The following ALMS1 variants were observed in gnomAD, a reference collection of about 807,000 sequenced individuals.
The protein encoded by ALMS1 is ALMS1 centrosome and basal body associated protein.
In ALMS1, 271 loss-of-function variants were observed where a neutral mutation model predicts 352.2. That is an observed-to-expected ratio of 0.77 (90% confidence interval 0.70 to 0.85). ALMS1 has a LOEUF of 0.85. ALMS1 is among the 40% of genes least tolerant of loss of function. ALMS1 has a pLI of 0.00. For synonymous variants in ALMS1, 1,865 were observed against 1,761.2 expected (o/e 1.06, Z -1.48); for missense variants, 5,445 against 4,870.7 (o/e 1.12, Z -3.51).
Position 73,428,172 on chromosome 2 carries a change from G to C in ALMS1, c.1338+1619G>C, listed in dbSNP as rs1049569348. 3.3e-5 allele frequency among the ~76,000 whole-genome samples: 5 copies of C among 152,218 alleles called. No homozygotes were observed. In the South Asian group the frequency reaches 8.3e-4, roughly 25 times the overall value. Reference sequence around the variant, plus strand: ...TTTGTGCTCAAGTACTGTGCTAAGAGGTTACATGTATATATCAATTCGTTT... The same window carrying C: ...TTTGTGCTCAAGTACTGTGCTAAGACGTTACATGTATATATCAATTCGTTT... On this transcript the variant is annotated intron_variant, in intron 6 of 22. Transcript: ENST00000613296.
intron 13 of ALMS1, 60 bp from the exon 14 acceptor site, chr2:73,557,160 A>G (rs1166438178): frequency 6.2e-7 from 1 of 1,607,358 alleles, no homozygotes; most frequent in Non-Finnish European, 8.5e-7. Context: ...GGGGAGGATT[A>G]CTTGTCTGTT....
intron 15 of ALMS1, among the ~76,000 whole-genome samples, chr2:73,571,253 T>C (rs1467596279): frequency 6.6e-6 from 1 of 152,226 alleles, no homozygotes; most frequent in East Asian, 1.9e-4. Context: ...GATCCCATCA[T>C]TGCATGTGTG....
chr2:73,392,967 G>C (rs567452529), intron 1 of ALMS1, among the ~76,000 whole-genome samples: 1 of 152,212 alleles, frequency 6.6e-6, no homozygotes, highest in South Asian at 2.1e-4. Flanking sequence ...GAGAGTTCCA[G>C]TTTCTCCACA....
Position 73,385,872 on chromosome 2 carries a change from G to C in ALMS1, c.4G>C (p.Glu2Gln), listed in dbSNP as rs1670504473. The C allele has an allele frequency of 1.3e-6, 1 of 761,672 alleles. No individual in the cohort carries two copies. The highest frequency in any genetic ancestry group is 2.3e-6 in the Non-Finnish European group (1 of 436,992). 47.2% of individuals were successfully genotyped at this position (761,672 alleles called of 1,614,324 possible). The change falls in exon 1 of 23, where the codon GAG (glutamate) becomes CAG (glutamine). Residue 2 changes from glutamate to glutamine, a missense_variant. Physicochemically the swap from Glu to Gln is conservative, Grantham distance 29. Transcript: ENST00000613296. ...CCGCCCAGAGCGAGACACCAACATGGAGCCCGAGGATCTGCCATGGCCGGG... is the reference window on the plus strand; with the variant it reads ...CCGCCCAGAGCGAGACACCAACATGCAGCCCGAGGATCTGCCATGGCCGGG... MEPEDLPWPGEL... is the reference protein window; with the variant it reads MQPEDLPWPGEL...
rs531648685 is a variant in ALMS1 at position 73,449,630 on chromosome 2, C to T, written c.3103C>T (p.Pro1035Ser). The change falls in exon 8 of 23, where the codon CCA (proline) becomes TCA (serine). Residue 1035 changes from proline to serine, a missense_variant. Pro to Ser is a moderately conservative substitution (Grantham distance 74). Transcript: ENST00000613296. Reference protein sequence around the residue: ...KALKVSTGPGPADQKTEIPAV... With the variant: ...KALKVSTGPGSADQKTEIPAV... The stretch of plus-strand genomic sequence containing the variant: ...TCTGAAAGTTTCAACTGGCCCTGGA[C>T]CAGCTGACCAGAAGACTGAGATACC... 197 of 1,614,064 alleles carry T rather than the reference C, an allele frequency of 1.2e-4. No homozygotes were observed. The highest frequency in any genetic ancestry group is 2.3e-4 in the Admixed American group (14 of 60,012).
intron 10 of ALMS1, among the ~76,000 whole-genome samples, chr2:73,500,340 A>C (rs1212234726): frequency 6.6e-6 from 1 of 152,178 alleles, no homozygotes; most frequent in East Asian, 1.9e-4. Context: ...GTGTGTGCCT[A>C]GTGGCCCTTT....
At chr2:73,557,029 G>A (rs1013954508) in intron 13 of ALMS1, among the ~76,000 whole-genome samples, 191 bp from the exon 14 acceptor site, 2 of 152,078 alleles carry the variant, frequency 1.3e-5, no homozygotes, top group African/African-American at 2.4e-5. Context: ...TTAAACTGTT[G>A]TTGTACACAG....
chr2:73,556,205 G>T (rs1410199329), intron 13 of ALMS1, among the ~76,000 whole-genome samples: 1 of 152,044 alleles, frequency 6.6e-6, no homozygotes, highest in East Asian at 1.9e-4. Context: ...ATTTTTTAAT[G>T]ATCTAAAAAT....
At chr2:73,583,829 A>G (rs901704314) in intron 16 of ALMS1, among the ~76,000 whole-genome samples, 1 of 152,046 alleles carries the variant, frequency 6.6e-6, no homozygotes, top group Admixed American at 6.5e-5. Flanking sequence ...TTCTTATTTC[A>G]TTGGTCTGCT....
chr2:73,418,942 G>A (rs1427259601), intron 2 of ALMS1, among the ~76,000 whole-genome samples, 181 bp from the exon 3 acceptor site: 4 of 152,074 alleles, frequency 2.6e-5, no homozygotes, highest in Non-Finnish European at 5.9e-5. Context: ...TGTAGTAATG[G>A]GAAGAGGTCT....
Position 73,572,725 on chromosome 2 carries a change from G to T in ALMS1, c.10848G>T (p.Glu3616Asp). The T allele has an allele frequency of 6.2e-7, 1 of 1,614,094 alleles. No individual in the cohort carries two copies. The highest frequency in any genetic ancestry group is 2.2e-5 in the East Asian group (1 of 44,888). ...RERQRQQRQP[E>D]LGDRKELSLV... ...GACAGAGGCAACAGAGACAGCCTGA[G>T]TTGGGTGACAGGAAAGAACTGTCCT... Residue 3616 changes from glutamate (E) to aspartate (D), a missense_variant, in exon 16 of 23, where the codon GAG becomes GAT. Glu to Asp is a conservative substitution (Grantham distance 45). Coordinates refer to ENST00000613296, the MANE Select transcript of ALMS1 (RefSeq NM_001378454.1).
chr2:73,603,687 C>T (rs898632834), intron 21 of ALMS1: 1 of 271,782 alleles, frequency 3.7e-6, no homozygotes, highest in Non-Finnish European at 7.1e-6. Context: ...TGGTGAAACT[C>T]CATCTCTACT....
chr2:73,537,870 A>G (rs1388231512), intron 12 of ALMS1, among the ~76,000 whole-genome samples: 1 of 152,076 alleles, frequency 6.6e-6, no homozygotes, highest in African/African-American at 2.4e-5. Context: ...GCCAAGCATG[A>G]TGGCCTACGC....
At chr2:73,542,779 A>T (rs899536339) in intron 12 of ALMS1, among the ~76,000 whole-genome samples, 11 of 152,146 alleles carry the variant, frequency 7.2e-5, no homozygotes, top group African/African-American at 2.7e-4. Context: ...TTCAAAGAGA[A>T]TAAAATACCT....
At position 73,449,817 on chromosome 2, in the gene ALMS1, A is replaced by G. The variant is rs201816596; in HGVS notation, c.3290A>G (p.Tyr1097Cys). ...TDTPAVPSTF[Y>C]SQREKPGIFY... ...ACACCAGCAGTACCGTCTACTTTCT[A>G]CTCACAAAGAGAGAAGCCTGGTATT... The change falls in exon 8 of 23, where the codon TAC (tyrosine) becomes TGC (cysteine). Residue 1097 changes from tyrosine to cysteine, a missense_variant. By Grantham distance (194) the Tyr-to-Cys change is radical. Transcript: ENST00000613296. 212 of 1,614,016 alleles carry G rather than the reference A, an allele frequency of 1.3e-4. 1 individual carries two copies. The African/African-American group carries it at 1.9e-3, about 14-fold the overall frequency.
chr2:73,480,345 G>A (rs905597066), intron 9 of ALMS1, among the ~76,000 whole-genome samples: 7 of 151,914 alleles, frequency 4.6e-5, no homozygotes, highest in Admixed American at 1.3e-4. Context: ...TTGTTCTTGC[G>A]ATAGTTTACT....
chr2:73,531,895 C>T (rs762918890), intron 11 of ALMS1, among the ~76,000 whole-genome samples: 7 of 152,228 alleles, frequency 4.6e-5, no homozygotes, highest in African/African-American at 1.2e-4. Context: ...CCCTCACTAT[C>T]GTGAGAACAA....
At chr2:73,517,117 T>C (rs893678974) in intron 10 of ALMS1, among the ~76,000 whole-genome samples, 1 of 152,080 alleles carries the variant, frequency 6.6e-6, no homozygotes, top group Non-Finnish European at 1.5e-5. Flanking sequence ...AATTAGTGAA[T>C]GGTAGACATA....
At chr2:73,477,670 T>C (rs926701063) in intron 9 of ALMS1, among the ~76,000 whole-genome samples, 2 of 152,204 alleles carry the variant, frequency 1.3e-5, no homozygotes, top group Non-Finnish European at 1.5e-5. Context: ...TGTTTTTTAG[T>C]ATACTAGACA....
Sources: allele counts gnomAD v4.1 joint callset (sites outside exome capture counted in the v4.1 genomes callset), GRCh38; gene constraint gnomAD v4.1.1; transcripts MANE v1.5; gene names NCBI Gene and HGNC (gene_info 2026-07-23, HGNC 2026-07-21).